Variants in RGPD3 observed in about 807,000 individuals in gnomAD.
The protein encoded by RGPD3 is ranBP2-like and GRIP domain-containing protein 3.
In RGPD3, 62 loss-of-function variants were observed where a neutral mutation model predicts 154.5. The ratio of observed to expected loss-of-function variants is 0.40; its 90% CI spans 0.33 to 0.50. The LOEUF (loss-of-function observed/expected upper bound fraction) is 0.50, where lower values mean the gene tolerates loss of function less well. Ranked by LOEUF, RGPD3 falls within the 20% of genes least tolerant of loss-of-function variation. The probability of loss-of-function intolerance (pLI) is 0.59; values close to 1 mark genes in which losing one functional copy is unlikely to be tolerated. For synonymous variants in RGPD3, 308 were observed against 607.0 expected, an observed-to-expected ratio of 0.51 and a Z score of 7.24; for missense variants, 919 against 1,716.8, an observed-to-expected ratio of 0.54 and a Z score of 8.21.
intron 6 of RGPD3, among the ~76,000 whole-genome samples, chr2:106,450,117 T>C (rs28498532): frequency 5.0e-3 from 685 of 136,444 alleles, no homozygotes; most frequent in African/African-American, 0.019. Context: ...CGGTGGCTCA[T>C]GCCTGTAATC....
intron 1 of RGPD3, 52 bp from the exon 2 acceptor site, chr2:106,459,384 A>C: frequency 6.2e-6 from 7 of 1,134,484 alleles, no homozygotes; most frequent in Non-Finnish European, 7.4e-6. Context: ...ATTTTCCAAC[A>C]TTTTTTCAAA....
At position 106,426,099 on chromosome 2, in the gene RGPD3, A is replaced by G; in HGVS notation, c.2606-11T>C. 6.3e-7 allele frequency: 1 copy of G among 1,594,862 alleles called. No individual in the cohort carries two copies. Among genetic ancestry groups the G allele is most frequent in the Non-Finnish European group, 8.5e-7 (1 of 1,178,914 alleles). ...GGCCAGTAGTTGCAACTAAAAAAAA[A>G]AAAGAAAAGAAAGAAAACACTGTTA... On this transcript the variant is annotated splice_polypyrimidine_tract_variant and intron_variant, in intron 18 of 22. Transcript: ENST00000409886.
chr2:106,420,942 C>G (rs949153122), intron 20 of RGPD3, among the ~76,000 whole-genome samples: 3 of 152,114 alleles, frequency 2.0e-5, no homozygotes, highest in Non-Finnish European at 4.4e-5. Context: ...CACCAAATGA[C>G]AATTTTAAAT....
At position 106,424,579 on chromosome 2, in the gene RGPD3, A is replaced by C; in HGVS notation, c.3388T>G (p.Trp1130Gly). Residue 1130 changes from tryptophan (W) to glycine (G), a missense_variant, in exon 20 of 23, where the codon TGG becomes GGG. Transcript: ENST00000409886. ...LKPLSGSDRA[W>G]MWSASDFSDG... ...GAGAAATCACTGGCTGACCACATCC[A>C]TGCTCTATCTGATCCAGAGAGGGGC... 1 of 1,610,938 alleles carries C rather than the reference A, an allele frequency of 6.2e-7. No homozygotes were observed. The highest frequency in any genetic ancestry group is 1.3e-5 in the African/African-American group (1 of 74,798).
At chr2:106,445,610 T>C (rs1439276269) in intron 7 of RGPD3, among the ~76,000 whole-genome samples, 2 of 151,872 alleles carry the variant, frequency 1.3e-5, no homozygotes, top group Admixed American at 1.3e-4. Context: ...TGAAACCCCA[T>C]CTCTATTAAA....
chr2:106,424,332 T>A lies in RGPD3; in HGVS notation c.3635A>T (p.Asp1212Val). 1 of 1,611,900 alleles carries A rather than the reference T, an allele frequency of 6.2e-7. No homozygotes were observed. The highest frequency in any genetic ancestry group is 8.5e-7 in the Non-Finnish European group (1 of 1,179,862). The change falls in exon 20 of 23, where the codon GAT becomes GTT. Residue 1212 changes from aspartate (D) to valine (V), a missense_variant. Asp to Val is a radical substitution (Grantham distance 152). Transcript: ENST00000409886. Reference protein sequence around the residue: ...LKDFKTFLTNDQTKVAEEENK... With the variant: ...LKDFKTFLTNVQTKVAEEENK... ...TTCTTCCTCAGCGACTTTTGTTTGA[T>A]CATTTGTCAAAAATGTTTTGAAATC...
intron 22 of RGPD3, among the ~76,000 whole-genome samples, chr2:106,409,477 G>A (rs1217999543): frequency 6.6e-6 from 1 of 152,050 alleles, no homozygotes; most frequent in Non-Finnish European, 1.5e-5. Context: ...TAAAAGGTTG[G>A]CAGTTATTTC....
At chr2:106,421,390 G>A (rs1488638844) in intron 20 of RGPD3, among the ~76,000 whole-genome samples, 6 of 151,758 alleles carry the variant, frequency 4.0e-5, no homozygotes, top group Admixed American at 6.6e-5. Flanking sequence ...CTCAAAGACC[G>A]TATCTTTAAA....
rs762462200 is a variant in RGPD3 at position 106,436,244 on chromosome 2, G to A, written c.1637C>T (p.Pro546Leu). ...AAGTCTCAATTTTGCTGAGTTTCCA[G>A]GTCTAAAAAATAGTTCAATTTACTA... ...VCTLIHRKAVPGNSAKLRLLV... is the reference protein window; with the variant it reads ...VCTLIHRKAVLGNSAKLRLLV... The change falls in exon 12 of 23, where the codon CCT (proline) becomes CTT (leucine). Residue 546 changes from proline (P) to leucine (L), a missense_variant and splice_region_variant. Transcript: ENST00000409886. 114 of 1,611,624 alleles carry A rather than the reference G, an allele frequency of 7.1e-5. No individual in the cohort carries two copies. Among genetic ancestry groups the A allele is most frequent in the South Asian group, 1.6e-4 (15 of 90,954 alleles).
chr2:106,467,393 C>T (rs373344644), intron 1 of RGPD3, among the ~76,000 whole-genome samples: 3 of 107,470 alleles, frequency 2.8e-5, no homozygotes, highest in Non-Finnish European at 3.9e-5. Context: ...GGAGCAGCGC[C>T]CGTCGGGAGC....
chr2:106,418,507 A>G (rs1223357262), intron 20 of RGPD3, among the ~76,000 whole-genome samples: 2 of 152,114 alleles, frequency 1.3e-5, no homozygotes, highest in African/African-American at 4.8e-5. Context: ...CCCAGAATCC[A>G]GGGCACGGAA....
At position 106,423,676 on chromosome 2, in the gene RGPD3, C is replaced by T. The variant is rs1677076904; in HGVS notation, c.4291G>A (p.Ala1431Thr). The T allele has an allele frequency of 6.2e-7, 1 of 1,609,182 alleles. No homozygotes were observed. The highest frequency in any genetic ancestry group is 8.5e-7 in the Non-Finnish European group (1 of 1,178,750). ...CTTTCTCCATCTGCAAAATCACATG[C>T]AGTCCACACCCATACTCTTTCTGTC... ...KGTERVWVWT[A>T]CDFADGERKV... Residue 1431 changes from alanine (A) to threonine (T), a missense_variant, in exon 20 of 23, where the codon GCA becomes ACA. By Grantham distance (58) the Ala-to-Thr change is moderately conservative (BLOSUM62 0). Transcript: ENST00000409886.
chr2:106,430,044 C>A lies in RGPD3; in HGVS notation c.2470-263G>T, dbSNP rs62152463. Among the ~76,000 whole-genome samples the A allele has an allele frequency of 8.0e-3, 1,066 of 132,570 alleles. 6 individuals carry two copies. Among genetic ancestry groups the A allele is most frequent in the African/African-American group, 0.022 (768 of 34,618 alleles). The allele number at this position is 132,570 out of a possible 152,430, so 87.0% of individuals were successfully genotyped here. ...GATTACAGGTGTCAGCCAGCACGCC[C>A]GGCTAATTTTTTGTATAATAGTAGA... On this transcript the variant is annotated intron_variant, in intron 17 of 22. Coordinates refer to ENST00000409886, the MANE Select transcript of RGPD3 (RefSeq NM_001144013.2).
rs781717422 is a variant in RGPD3 at position 106,405,196 on chromosome 2, C to T, written c.*23G>A. 6 of 1,609,408 alleles carry T rather than the reference C, an allele frequency of 3.7e-6. No individual in the cohort carries two copies. The South Asian group carries it at 5.6e-5, about 15-fold the overall frequency. The stretch of plus-strand genomic sequence containing the variant: ...AAACCAACTACGAAGATAGGATGCC[C>T]ATCCAGAAGAACGGGAAGCATTTTA... On this transcript the variant is annotated 3_prime_UTR_variant, in exon 23 of 23. Coordinates refer to ENST00000409886, the MANE Select transcript of RGPD3 (RefSeq NM_001144013.2).
intron 18 of RGPD3, among the ~76,000 whole-genome samples, chr2:106,428,742 A>G (rs1397761091): frequency 7.9e-5 from 12 of 151,308 alleles, no homozygotes; most frequent in African/African-American, 2.9e-4. Flanking sequence ...TGTCGTACAT[A>G]AAAGGAACAA....
chr2:106,461,357 A>C (rs1245718479), intron 1 of RGPD3, among the ~76,000 whole-genome samples: 2 of 150,944 alleles, frequency 1.3e-5, no homozygotes, highest in African/African-American at 4.9e-5. Flanking sequence ...CAAGCACTGC[A>C]ATACTCCAAC....
chr2:106,450,410 G>A (rs1305362630), intron 6 of RGPD3, among the ~76,000 whole-genome samples: 1 of 148,370 alleles, frequency 6.7e-6, no homozygotes, highest in African/African-American at 2.5e-5. Context: ...AACTGCCTAG[G>A]GTGGCACCAG....
At chr2:106,413,979 G>A (rs1009378767) in intron 21 of RGPD3, among the ~76,000 whole-genome samples, 8 of 152,106 alleles carry the variant, frequency 5.3e-5, no homozygotes, top group Non-Finnish European at 8.8e-5. Flanking sequence ...GGGGAACATC[G>A]GCAGCCTCCA....
Position 106,415,417 on chromosome 2 carries a change from T to C in RGPD3, c.5064+433A>G, listed in dbSNP as rs576100702. ...TTTTGGCTGGATGCGGTGGCTCACG[T>C]CTGTAATACCAGCACTTTGGGAGGC... On this transcript the variant is annotated intron_variant, in intron 21 of 22. Transcript: ENST00000409886. Among the ~76,000 whole-genome samples the C allele has an allele frequency of 5.4e-4, 82 of 152,148 alleles. 1 individual carries two copies. In the East Asian group the frequency reaches 0.013, roughly 24 times the overall value.
Sources: gnomAD v4.1 joint callset for allele counts (sites outside exome capture counted in the v4.1 genomes callset) on GRCh38, gnomAD v4.1.1 for gene constraint, MANE v1.5 for transcripts, NCBI Gene and HGNC (gene_info 2026-07-23, HGNC 2026-07-21) for gene names.